The following ATG5 variants were observed in gnomAD, a reference collection of about 807,000 sequenced individuals.
ATG5 encodes the protein autophagy protein 5.
ATG5 carries 14 observed loss-of-function variants against 36.5 expected under a neutral mutation model. The observed-to-expected ratio is 0.38, with a 90% CI of 0.25 to 0.60. The LOEUF (loss-of-function observed/expected upper bound fraction) is 0.60, where lower values mean the gene tolerates loss of function less well. Among genes scored for constraint, ATG5 ranks in the 20% least tolerant of loss-of-function variants. The pLI, the probability that ATG5 is intolerant of heterozygous loss-of-function variation, is 0.60. For missense variants in ATG5, 195 were observed against 326.7 expected (o/e 0.60, Z 3.11); for synonymous variants, 95 against 101.5 (o/e 0.94, Z 0.38).
At chr6:106,217,607 T>A (rs1012370662) in intron 6 of ATG5, 2 of 152,156 alleles carry the variant, frequency 1.3e-5, no homozygotes, top group Non-Finnish European at 2.9e-5. Context: ...GTGACCTGAA[T>A]GGGGAAGAGA....
chr6:106,267,161 C>A (rs1779258637), intron 5 of ATG5, among the ~76,000 whole-genome samples: 1 of 152,216 alleles, frequency 6.6e-6, no homozygotes, highest in African/African-American at 2.4e-5. Flanking sequence ...CATACAAAAT[C>A]TATTTGCAAA....
At chr6:106,244,709 A>G (rs1428030263) in intron 6 of ATG5, among the ~76,000 whole-genome samples, 2 of 152,218 alleles carry the variant, frequency 1.3e-5, no homozygotes, top group African/African-American at 4.8e-5. Context: ...ATAACCTTCT[A>G]AGGGGTCACA....
intron 3 of ATG5, 95 bp from the exon 4 acceptor site, chr6:106,293,201 G>C: frequency 1.1e-6 from 1 of 945,672 alleles, no homozygotes; most frequent in Non-Finnish European, 1.7e-6. Flanking sequence ...AACACCAAAT[G>C]TCAGGGGCTT....
chr6:106,201,275 ATGTGTGTGTGTG>A (rs138478446), intron 7 of ATG5, among the ~76,000 whole-genome samples: 39 of 149,318 alleles, frequency 2.6e-4, no homozygotes, highest in Middle Eastern at 3.4e-3. Flanking sequence ...TCAAGTGTAT[ATGTGTGTGTGTG>A]TGTGTGTGTG....
chr6:106,289,685 C>T (rs975284763), intron 4 of ATG5, among the ~76,000 whole-genome samples: 6 of 151,926 alleles, frequency 3.9e-5, no homozygotes, highest in Non-Finnish European at 8.8e-5. Flanking sequence ...AACATTAATT[C>T]ACTTAAAAAT....
chr6:106,316,047 C>T, intron 2 of ATG5, 54 bp downstream of exon 2: 2 of 1,438,494 alleles, frequency 1.4e-6, no homozygotes, highest in Admixed American at 1.9e-5. Flanking sequence ...ACAGCTTTTT[C>T]TTACAAAAAT....
At chr6:106,323,066 T>C (rs542727372) in intron 1 of ATG5, among the ~76,000 whole-genome samples, 31 of 152,074 alleles carry the variant, frequency 2.0e-4, no homozygotes, top group South Asian at 4.2e-4. Flanking sequence ...CTACAAGCGC[T>C]TGCCACCAGG....
chr6:106,251,223 T>A (rs1197394719), intron 5 of ATG5, among the ~76,000 whole-genome samples: 1 of 152,238 alleles, frequency 6.6e-6, no homozygotes, highest in African/African-American at 2.4e-5. Flanking sequence ...ATCACCTGCA[T>A]TCCAGGTTGC....
chr6:106,221,703 G>GA (rs1777258012), intron 6 of ATG5, among the ~76,000 whole-genome samples: 1 of 131,554 alleles, frequency 7.6e-6, no homozygotes, highest in Admixed American at 8.4e-5. Context: ...AAAAAAAAAA[G>GA]AAAGAAAGAA....
At chr6:106,214,311 G>GA (rs1776959621) in intron 6 of ATG5, among the ~76,000 whole-genome samples, 1 of 152,068 alleles carries the variant, frequency 6.6e-6, no homozygotes, top group Admixed American at 6.5e-5. Flanking sequence ...GAAAGAGGGG[G>GA]AACAGAGAGG....
chr6:106,206,418 C>A lies in ATG5; in HGVS notation c.574-4329G>T, dbSNP rs114288206. On this transcript the variant is annotated intron_variant, in intron 6 of 7. Coordinates refer to ENST00000369076, the MANE Select transcript of ATG5 (RefSeq NM_004849.4). Reference sequence around the variant, plus strand: ...TATAAATTACCCAGTCTAGGCTGGGCGTGGTGGATCACCTGAGGTCAGGAG... The same window carrying A: ...TATAAATTACCCAGTCTAGGCTGGGAGTGGTGGATCACCTGAGGTCAGGAG... Among the ~76,000 whole-genome samples, 437 of 152,162 alleles carry A rather than the reference C, an allele frequency of 2.9e-3. 2 individuals carry two copies. The highest frequency in any genetic ancestry group is 4.8e-3 in the Non-Finnish European group (326 of 67,990).
chr6:106,210,511 TC>T (rs1332885978), intron 6 of ATG5, among the ~76,000 whole-genome samples: 3 of 152,202 alleles, frequency 2.0e-5, no homozygotes. Context: ...TCTTCATACT[TC>T]CTAGTCACAA....
intron 6 of ATG5, among the ~76,000 whole-genome samples, chr6:106,205,453 G>A (rs1776593419): frequency 6.6e-6 from 1 of 152,074 alleles, no homozygotes; most frequent in African/African-American, 2.4e-5. Context: ...TGCTTGAGGT[G>A]GTGAATATCC....
At chr6:106,310,328 T>C (rs1303213111) in intron 2 of ATG5, among the ~76,000 whole-genome samples, 1 of 152,080 alleles carries the variant, frequency 6.6e-6, no homozygotes, top group East Asian at 1.9e-4. Context: ...CCTGTGGGAG[T>C]AATCTTTAAC....
intron 3 of ATG5, among the ~76,000 whole-genome samples, chr6:106,299,724 G>A (rs879720702): frequency 4.6e-5 from 7 of 152,148 alleles, no homozygotes; most frequent in Admixed American, 4.6e-4. Context: ...TAGCAATAAT[G>A]GATATTCTCA....
intron 6 of ATG5, among the ~76,000 whole-genome samples, chr6:106,212,293 A>T (rs1394003783): frequency 6.6e-6 from 1 of 152,184 alleles, no homozygotes; most frequent in East Asian, 1.9e-4. Flanking sequence ...AATAAAACAC[A>T]ACTAACTATG....
At chr6:106,258,106 A>G (rs1451262731) in intron 5 of ATG5, among the ~76,000 whole-genome samples, 1 of 152,114 alleles carries the variant, frequency 6.6e-6, no homozygotes, top group African/African-American at 2.4e-5. Context: ...TGCACTTGTA[A>G]TGCTTGATGG....
At chr6:106,253,963 G>A (rs532479636) in intron 5 of ATG5, among the ~76,000 whole-genome samples, 2 of 152,084 alleles carry the variant, frequency 1.3e-5, no homozygotes, top group Admixed American at 6.5e-5. Context: ...TTCCTACCAG[G>A]CCCATTCCAC....
chr6:106,278,180 A>G (rs1461391967), intron 5 of ATG5, among the ~76,000 whole-genome samples: 1 of 152,118 alleles, frequency 6.6e-6, no homozygotes, highest in Non-Finnish European at 1.5e-5. Flanking sequence ...GCCTCAAGTG[A>G]TCCTCCCAGT....
Sources: allele counts gnomAD v4.1 joint callset (sites outside exome capture counted in the v4.1 genomes callset), GRCh38; gene constraint gnomAD v4.1.1; transcripts MANE v1.5; gene names NCBI Gene and HGNC (gene_info 2026-07-23, HGNC 2026-07-21).